The following DENND5B variants were observed in gnomAD, a reference collection of about 807,000 sequenced individuals.
The protein encoded by DENND5B is DENN domain-containing protein 5B.
In DENND5B, 34 loss-of-function variants were observed where a neutral mutation model predicts 140.6. The observed-to-expected ratio is 0.24, with a 90% CI of 0.18 to 0.32. DENND5B has a LOEUF of 0.32. DENND5B is among the 10% of genes least tolerant of loss of function. DENND5B has a pLI of 1.00. For missense variants in DENND5B, 1,142 were observed against 1,560.2 expected, an observed-to-expected ratio of 0.73 and a Z score of 4.52; for synonymous variants, 551 against 562.1, an observed-to-expected ratio of 0.98 and a Z score of 0.28.
chr12:31,400,051 A>C (rs1483157672), intron 15 of DENND5B, among the ~76,000 whole-genome samples: 1 of 152,238 alleles, frequency 6.6e-6, no homozygotes, highest in Non-Finnish European at 1.5e-5. Flanking sequence ...AACGCTGGGG[A>C]AGGAACAGTT....
At chr12:31,514,105 C>G (rs1947526852) in intron 1 of DENND5B, among the ~76,000 whole-genome samples, 1 of 149,892 alleles carries the variant, frequency 6.7e-6, no homozygotes, top group Non-Finnish European at 1.5e-5. Context: ...CTCAGCCTCA[C>G]AAAGTGCTGT....
intron 3 of DENND5B, among the ~76,000 whole-genome samples, chr12:31,470,378 T>C (rs1193250238): frequency 6.6e-6 from 1 of 151,988 alleles, no homozygotes; most frequent in East Asian, 1.9e-4. Flanking sequence ...CCTCCCAAAG[T>C]GCTGGGATTA....
At chr12:31,579,497 C>T (rs1050860553) in intron 1 of DENND5B, among the ~76,000 whole-genome samples, 1 of 151,978 alleles carries the variant, frequency 6.6e-6, no homozygotes, top group Non-Finnish European at 1.5e-5. Context: ...CCCTTCTCTA[C>T]TAAAAATACA....
rs1337773800 is a variant in DENND5B, at chr12:31,382,537, TTTGA to T, written c.*5062_*5065del. ...GCATTCTAAATGTTTCACACCCTCA[TTTGA>T]TTGACAACAGGAACTCCTTACTATA... On this transcript the variant is annotated 3_prime_UTR_variant, in exon 21 of 21. Transcript: ENST00000389082. 3.3e-5 allele frequency: 5 copies of T among 152,294 alleles called. No individual in the cohort carries two copies. Among genetic ancestry groups the T allele is most frequent in the Admixed American group, 2.6e-4 (4 of 15,294 alleles). The allele number at this position is 152,294 out of a possible 1,614,324, so 9.4% of individuals were successfully genotyped here.
intron 1 of DENND5B, among the ~76,000 whole-genome samples, chr12:31,584,563 C>A (rs915164082): frequency 4.6e-5 from 7 of 152,084 alleles, no homozygotes; most frequent in Non-Finnish European, 1.0e-4. Flanking sequence ...CCTGTAATCC[C>A]AGCACTTTGG....
chr12:31,402,700 A>G, intron 14 of DENND5B, 57 bp from the exon 15 acceptor site: 1 of 1,534,276 alleles, frequency 6.5e-7, no homozygotes, highest in Non-Finnish European at 8.8e-7. Flanking sequence ...TCCTTATAAC[A>G]AAACATATAT....
At chr12:31,451,918 G>A (rs1316612937) in intron 5 of DENND5B, 22 bp downstream of exon 5, 2 of 1,610,600 alleles carry the variant, frequency 1.2e-6, no homozygotes, top group Admixed American at 1.7e-5. Context: ...AACCACAAAA[G>A]GAAAACTATG....
At chr12:31,482,866 C>T (rs1391277589) in intron 2 of DENND5B, among the ~76,000 whole-genome samples, 2 of 152,230 alleles carry the variant, frequency 1.3e-5, no homozygotes, top group Non-Finnish European at 2.9e-5. Flanking sequence ...GATCTTGTCA[C>T]TCTTGCCAAA....
At chr12:31,402,811 T>C (rs1337763403) in intron 14 of DENND5B, among the ~76,000 whole-genome samples, 168 bp from the exon 15 acceptor site, 1 of 152,194 alleles carries the variant, frequency 6.6e-6, no homozygotes, top group Admixed American at 6.5e-5. Flanking sequence ...TCTAGAAAGA[T>C]GAGATCTAGT....
intron 7 of DENND5B, among the ~76,000 whole-genome samples, chr12:31,438,969 C>T (rs1691602683): frequency 6.6e-6 from 1 of 152,192 alleles, no homozygotes; most frequent in African/African-American, 2.4e-5. Flanking sequence ...CTAGCTCTTA[C>T]TATACACTCT....
At chr12:31,443,440 A>C (rs77776384) in intron 6 of DENND5B, among the ~76,000 whole-genome samples, 1,721 of 151,942 alleles carry the variant, frequency 0.011, 19 homozygotes, top group East Asian at 0.031. Context: ...AGTTAACTTT[A>C]AGTAAATATT....
chr12:31,401,312 T>C (rs142217292), intron 15 of DENND5B, among the ~76,000 whole-genome samples: 216 of 152,294 alleles, frequency 1.4e-3, no homozygotes, highest in African/African-American at 5.1e-3. Context: ...GGTTTTAATG[T>C]ACTTTCATTA....
At chr12:31,527,084 C>T (rs542596416) in intron 1 of DENND5B, among the ~76,000 whole-genome samples, 5 of 151,974 alleles carry the variant, frequency 3.3e-5, no homozygotes, top group South Asian at 4.2e-4. Flanking sequence ...AAATAAGTTA[C>T]ACGGTATGAG....
intron 1 of DENND5B, among the ~76,000 whole-genome samples, chr12:31,569,429 C>G (rs1247174624): frequency 6.6e-6 from 1 of 152,188 alleles, no homozygotes; most frequent in Non-Finnish European, 1.5e-5. Context: ...GAGCAGTGAG[C>G]TGGGCATAAA....
intron 1 of DENND5B, among the ~76,000 whole-genome samples, chr12:31,523,392 G>A (rs1428168107): frequency 6.6e-6 from 1 of 152,070 alleles, no homozygotes; most frequent in African/African-American, 2.4e-5. Context: ...GATTTAGGGG[G>A]CTGGCAGGAG....
intron 1 of DENND5B, chr12:31,499,723 A>G (rs1946931851): frequency 7.4e-7 from 1 of 1,359,814 alleles, no homozygotes; most frequent in Admixed American, 3.3e-5. Context: ...AAAAACAAAC[A>G]AAAAGCAAAA....
intron 1 of DENND5B, among the ~76,000 whole-genome samples, chr12:31,570,513 G>A (rs531018525): frequency 4.7e-5 from 7 of 149,774 alleles, no homozygotes; most frequent in South Asian, 2.1e-4. Flanking sequence ...TCCTGACCTC[G>A]TGATCCACCC....
At chr12:31,562,068 C>T (rs1436353414) in intron 1 of DENND5B, among the ~76,000 whole-genome samples, 1 of 152,142 alleles carries the variant, frequency 6.6e-6, no homozygotes, top group East Asian at 1.9e-4. Context: ...TCAACTTAGC[C>T]ACCATTATAA....
intron 17 of DENND5B, 45 bp downstream of exon 17, chr12:31,398,130 A>C (rs1941584928): frequency 6.6e-7 from 1 of 1,510,740 alleles, no homozygotes; most frequent in Non-Finnish European, 8.9e-7. Flanking sequence ...GGTCACATGA[A>C]GCCTACATCA....
Sources: allele counts gnomAD v4.1 joint callset (sites outside exome capture counted in the v4.1 genomes callset), GRCh38; gene constraint gnomAD v4.1.1; transcripts MANE v1.5; gene names NCBI Gene and HGNC (gene_info 2026-07-23, HGNC 2026-07-21).